Variants in CNTNAP2 observed in about 807,000 individuals in gnomAD.
The protein encoded by CNTNAP2 is contactin-associated protein-like 2.
CNTNAP2 carries 98 observed loss-of-function variants against 155.2 expected under a neutral mutation model. The ratio of observed to expected loss-of-function variants is 0.63; its 90% confidence interval spans 0.54 to 0.75. The LOEUF is 0.75. Ranked by LOEUF, CNTNAP2 falls within the 30% of genes least tolerant of loss-of-function variation. The pLI is 0.00. For missense variants in CNTNAP2, 1,727 were observed against 1,688.1 expected, an observed-to-expected ratio of 1.02 and a Z score of -0.40; for synonymous variants, 651 against 631.2, an observed-to-expected ratio of 1.03 and a Z score of -0.47.
chr7:147,652,708 G>C (rs1795465886), intron 13 of CNTNAP2, among the ~76,000 whole-genome samples: 1 of 151,684 alleles, frequency 6.6e-6, no homozygotes, highest in Non-Finnish European at 1.5e-5. Flanking sequence ...ACCTCAAGAA[G>C]TTAGAAAGGA....
chr7:146,958,047 C>A (rs572115400), intron 3 of CNTNAP2, among the ~76,000 whole-genome samples: 1 of 152,148 alleles, frequency 6.6e-6, no homozygotes, highest in African/African-American at 2.4e-5. Context: ...TTAACATATT[C>A]TTGAAATTGT....
chr7:146,871,233 T>C (rs1795299908), intron 3 of CNTNAP2, among the ~76,000 whole-genome samples: 1 of 152,112 alleles, frequency 6.6e-6, no homozygotes, highest in Admixed American at 6.6e-5. Flanking sequence ...TTTTTTCCTG[T>C]CTCTTAAGAA....
At chr7:147,691,805 A>T (rs1584902699) in intron 13 of CNTNAP2, among the ~76,000 whole-genome samples, 2 of 152,102 alleles carry the variant, frequency 1.3e-5, no homozygotes, top group African/African-American at 4.8e-5. Context: ...CTCCCCTACT[A>T]TCAACATCCC....
chr7:148,359,581 A>G (rs1261507454), intron 21 of CNTNAP2, among the ~76,000 whole-genome samples: 2 of 152,194 alleles, frequency 1.3e-5, no homozygotes, highest in Admixed American at 1.3e-4. Flanking sequence ...GAGATGGAAT[A>G]TTTCAGAGTC....
chr7:148,419,431 G>GTT lies in CNTNAP2; in HGVS notation c.*3820_*3821dup, dbSNP rs1450180237. 1.3e-5 allele frequency: 2 copies of GTT among 152,030 alleles called. No individual in the cohort carries two copies. Among genetic ancestry groups the GTT allele is most frequent in the African/African-American group, 2.4e-5 (1 of 41,252 alleles). 9.4% of individuals were successfully genotyped at this position (152,030 alleles called of 1,614,324 possible). On this transcript the variant is annotated 3_prime_UTR_variant, in exon 24 of 24. Coordinates refer to ENST00000361727, the MANE Select transcript of CNTNAP2 (RefSeq NM_014141.6). ...TACCCCCGCCCCGCTTTTTTTTGTTGTTTTTTGTTTTGTTTTGAGACGGAG... is the reference window on the plus strand; with the variant it reads ...TACCCCCGCCCCGCTTTTTTTTGTTGTTTTTTTTGTTTTGTTTTGAGACGGAG...
At chr7:147,835,385 G>T (rs1421786053) in intron 13 of CNTNAP2, among the ~76,000 whole-genome samples, 3 of 152,134 alleles carry the variant, frequency 2.0e-5, no homozygotes, top group Non-Finnish European at 4.4e-5. Context: ...AAGAAATGAG[G>T]CTTGCAGGAG....
intron 9 of CNTNAP2, among the ~76,000 whole-genome samples, chr7:147,386,131 C>G (rs1316726986): frequency 2.6e-5 from 4 of 152,136 alleles, no homozygotes; most frequent in African/African-American, 9.7e-5. Context: ...CACCAAGTCT[C>G]TAGACTGCAC....
At chr7:146,472,422 A>G (rs182970245) in intron 1 of CNTNAP2, among the ~76,000 whole-genome samples, 110 of 152,346 alleles carry the variant, frequency 7.2e-4, no homozygotes, top group Non-Finnish European at 1.2e-3. Flanking sequence ...CATAATATGT[A>G]GCCTCAAAGT....
chr7:148,037,854 G>A (rs896933529), intron 15 of CNTNAP2, among the ~76,000 whole-genome samples: 2 of 152,124 alleles, frequency 1.3e-5, no homozygotes, highest in African/African-American at 4.8e-5. Context: ...AATTTTCTCA[G>A]CTTTACAATG....
At chr7:147,918,131 C>G (rs1320132879) in intron 14 of CNTNAP2, among the ~76,000 whole-genome samples, 1 of 152,182 alleles carries the variant, frequency 6.6e-6, no homozygotes, top group African/African-American at 2.4e-5. Flanking sequence ...GTTATTTTCT[C>G]TCTTATCTGC....
chr7:146,195,106 A>G (rs1055303140), intron 1 of CNTNAP2: 1 of 152,198 alleles, frequency 6.6e-6, no homozygotes, highest in African/African-American at 2.4e-5. Flanking sequence ...TCTTCTCTAA[A>G]ACAGATGCTG....
chr7:147,697,739 C>T lies in CNTNAP2; in HGVS notation c.2098+58433C>T, dbSNP rs150296798. Reference sequence around the variant, plus strand: ...CCCCTAGGTAAGTGAGGCTCTGATACAACCTCAGAAGATTCAGCTCTGGTA... The same window carrying T: ...CCCCTAGGTAAGTGAGGCTCTGATATAACCTCAGAAGATTCAGCTCTGGTA... On this transcript the variant is annotated intron_variant, in intron 13 of 23. Transcript: ENST00000361727. 3.5e-3 allele frequency among the ~76,000 whole-genome samples: 527 copies of T among 152,224 alleles called. 8 individuals carry two copies. The highest frequency in any genetic ancestry group is 0.012 in the African/African-American group (498 of 41,536).
intron 1 of CNTNAP2, among the ~76,000 whole-genome samples, chr7:146,626,974 C>T (rs1240014706): frequency 6.6e-6 from 1 of 151,996 alleles, no homozygotes; most frequent in Non-Finnish European, 1.5e-5. Context: ...TGTATTAGCC[C>T]ATTTTCACAT....
chr7:146,810,931 T>A (rs953928313), intron 2 of CNTNAP2, among the ~76,000 whole-genome samples: 1 of 152,202 alleles, frequency 6.6e-6, no homozygotes, highest in South Asian at 2.1e-4. Flanking sequence ...ATATAGTATA[T>A]CACACTTTCT....
At chr7:146,515,409 T>C (rs1353611878) in intron 1 of CNTNAP2, among the ~76,000 whole-genome samples, 1 of 152,128 alleles carries the variant, frequency 6.6e-6, no homozygotes, top group African/African-American at 2.4e-5. Context: ...TTTATCTTAG[T>C]GTCTGTTCAC....
intron 1 of CNTNAP2, among the ~76,000 whole-genome samples, chr7:146,642,240 G>A (rs548854529): frequency 3.3e-5 from 5 of 151,226 alleles, no homozygotes; most frequent in African/African-American, 1.2e-4. Context: ...CATGTGCCAT[G>A]CTGGTGCACT....
Position 147,919,459 on chromosome 7 carries a change from C to CTTTCTTTTTTTTTTTTT in CNTNAP2, c.2255+15741_2255+15742insCTTTTTTTTTTTTTTTT, listed in dbSNP as rs58537091. On this transcript the variant is annotated intron_variant, in intron 14 of 23. Coordinates refer to ENST00000361727, the MANE Select transcript of CNTNAP2 (RefSeq NM_014141.6). ...CACCATGTCTGGCTACTTTTTCTTT[C>CTTTCTTTTTTTTTTTTT]TTTTTTTTTTTTTTTTTGAGACAGA... Among the ~76,000 whole-genome samples the CTTTCTTTTTTTTTTTTT allele has an allele frequency of 3.1e-4, 16 of 51,230 alleles. 3 individuals are homozygous for CTTTCTTTTTTTTTTTTT. The highest frequency in any genetic ancestry group is 1.2e-3 in the African/African-American group (11 of 9,300). 33.6% of individuals were successfully genotyped at this position (51,230 alleles called of 152,430 possible).
At chr7:147,871,993 T>G (rs901984351) in intron 13 of CNTNAP2, among the ~76,000 whole-genome samples, 3 of 152,196 alleles carry the variant, frequency 2.0e-5, no homozygotes, top group Non-Finnish European at 4.4e-5. Flanking sequence ...TGAGTGAAAT[T>G]GATTTTTAAA....
chr7:147,223,167 C>T (rs888141370), intron 8 of CNTNAP2, among the ~76,000 whole-genome samples: 3 of 152,172 alleles, frequency 2.0e-5, no homozygotes, highest in African/African-American at 7.2e-5. Flanking sequence ...CATACTTAGC[C>T]TCTAGCAATT....
Sources: gnomAD v4.1 joint callset for allele counts (sites outside exome capture counted in the v4.1 genomes callset) on GRCh38, gnomAD v4.1.1 for gene constraint, MANE v1.5 for transcripts, NCBI Gene and HGNC (gene_info 2026-07-23, HGNC 2026-07-21) for gene names.